The following PCOLCE2 variants were observed in gnomAD, a reference collection of about 807,000 sequenced individuals.
PCOLCE2 encodes procollagen C-endopeptidase enhancer 2, also known as procollagen C-proteinase enhancer 2.
A neutral mutation model predicts 47.0 loss-of-function variants in PCOLCE2; 42 were observed. The ratio of observed to expected loss-of-function variants is 0.89; its 90% CI spans 0.70 to 1.16. PCOLCE2 has a LOEUF of 1.16. Among genes scored for constraint, PCOLCE2 ranks in the 50% most tolerant of loss-of-function variants. The probability of loss-of-function intolerance (pLI) is 0.00; values close to 1 mark genes in which losing one functional copy is unlikely to be tolerated. For synonymous variants in PCOLCE2, 169 were observed against 191.7 expected, an observed-to-expected ratio of 0.88 and a Z score of 0.98; for missense variants, 500 against 526.1, an observed-to-expected ratio of 0.95 and a Z score of 0.49.
chr3:142,862,740 T>C (rs1365564655), intron 2 of PCOLCE2, among the ~76,000 whole-genome samples: 1 of 152,090 alleles, frequency 6.6e-6, no homozygotes, highest in African/African-American at 2.4e-5. Context: ...CTATCAAATA[T>C]CCAGAGAACT....
At chr3:142,848,520 G>C (rs1285874921) in intron 2 of PCOLCE2, 48 bp from the exon 3 acceptor site, 1 of 1,513,850 alleles carries the variant, frequency 6.6e-7, no homozygotes, top group Non-Finnish European at 9.0e-7. Context: ...AACAATATCT[G>C]AGGCTTTGAC....
intron 2 of PCOLCE2, among the ~76,000 whole-genome samples, chr3:142,863,224 A>C (rs1389337397): frequency 6.6e-6 from 1 of 152,220 alleles, no homozygotes; most frequent in Non-Finnish European, 1.5e-5. Flanking sequence ...AAAACAAAAA[A>C]ACAAAAAACA....
intron 6 of PCOLCE2, chr3:142,827,846 C>G: frequency 1.9e-6 from 1 of 538,142 alleles, no homozygotes; most frequent in Non-Finnish European, 3.3e-6. Flanking sequence ...AAGGCGACAG[C>G]CTAATTTATA....
At chr3:142,836,357 C>A (rs1164581058) in intron 5 of PCOLCE2, among the ~76,000 whole-genome samples, 1 of 152,204 alleles carries the variant, frequency 6.6e-6, no homozygotes, top group Admixed American at 6.5e-5. Flanking sequence ...GGCCTGGACC[C>A]TGAGCTTTGT....
At chr3:142,843,081 A>T (rs529159735) in intron 3 of PCOLCE2, 33 bp from the exon 4 acceptor site, 2 of 1,605,736 alleles carry the variant, frequency 1.2e-6, no homozygotes, top group South Asian at 2.2e-5. Flanking sequence ...AAAGCCCACA[A>T]GTTTATGTAG....
intron 5 of PCOLCE2, among the ~76,000 whole-genome samples, chr3:142,838,422 C>CA (rs532908201): frequency 2.8e-4 from 42 of 152,238 alleles, no homozygotes; most frequent in South Asian, 1.5e-3. Context: ...CATTTAAAAG[C>CA]ATGTGGCACC....
rs192250873 is a variant in PCOLCE2, at chr3:142,881,591, G to C, written c.192+6078C>G. Among the ~76,000 whole-genome samples, 24 of 152,194 alleles carry C rather than the reference G, an allele frequency of 1.6e-4. 1 individual carries two copies. The highest frequency in any genetic ancestry group is 1.1e-3 in the Admixed American group (17 of 15,266). On this transcript the variant is annotated intron_variant, in intron 2 of 8. Transcript: ENST00000295992. Reference sequence around the variant, plus strand: ...CCTAGGCTATATAGTATAGCCTATTGCTCCTAGGCTACGACACTGTACAGC... The same window carrying C: ...CCTAGGCTATATAGTATAGCCTATTCCTCCTAGGCTACGACACTGTACAGC...
chr3:142,818,684 G>C (rs72992635), intron 8 of PCOLCE2, among the ~76,000 whole-genome samples: 10,118 of 152,192 alleles, frequency 0.066, 1,049 homozygotes, highest in African/African-American at 0.22. Context: ...GAACTTAAGC[G>C]ATTCTCCTGC....
At chr3:142,879,247 CT>C (rs1933557810) in intron 2 of PCOLCE2, among the ~76,000 whole-genome samples, 2 of 151,284 alleles carry the variant, frequency 1.3e-5, no homozygotes, top group South Asian at 4.1e-4. Flanking sequence ...AAGAGAATCC[CT>C]TTCAGAAAAA....
intron 2 of PCOLCE2, among the ~76,000 whole-genome samples, chr3:142,884,756 C>G (rs73864484): frequency 2.6e-5 from 4 of 152,304 alleles, no homozygotes; most frequent in Non-Finnish European, 5.9e-5. Context: ...CTAAGCAGCA[C>G]AGAGCACCTC....
chr3:142,868,101 A>T (rs994436193), intron 2 of PCOLCE2, among the ~76,000 whole-genome samples: 3 of 152,230 alleles, frequency 2.0e-5, no homozygotes, highest in African/African-American at 7.2e-5. Flanking sequence ...TTCAATTTTT[A>T]AAATAATCAA....
In PCOLCE2 at chr3:142,818,067, T is replaced by G. The variant is rs544784359; in HGVS notation, c.*268A>C. The stretch of plus-strand genomic sequence containing the variant: ...GATGTATAAATAAACGCTTCCAAGC[T>G]GTCAACGCTTGACACTTTTAGCTTC... On this transcript the variant is annotated 3_prime_UTR_variant, in exon 9 of 9. Coordinates refer to ENST00000295992, the MANE Select transcript of PCOLCE2 (RefSeq NM_013363.4). 2 of 316,664 alleles carry G rather than the reference T, an allele frequency of 6.3e-6. No individual in the cohort carries two copies. The highest frequency in any genetic ancestry group is 1.3e-4 in the South Asian group (2 of 15,972). The allele number at this position is 316,664 out of a possible 1,614,324, so 19.6% of individuals were successfully genotyped here.
intron 2 of PCOLCE2, among the ~76,000 whole-genome samples, chr3:142,861,354 C>A (rs1016865323): frequency 6.6e-6 from 1 of 152,168 alleles, no homozygotes; most frequent in Non-Finnish European, 1.5e-5. Context: ...TCCAAATTCC[C>A]TGTTCTTTCT....
intron 5 of PCOLCE2, among the ~76,000 whole-genome samples, chr3:142,833,305 C>G (rs920329034): frequency 6.6e-6 from 1 of 152,120 alleles, no homozygotes; most frequent in African/African-American, 2.4e-5. Flanking sequence ...CCTCCCACCT[C>G]AGCCTCCCAA....
chr3:142,888,949 C>A lies in PCOLCE2; in HGVS notation c.-53G>T. On this transcript the variant is annotated 5_prime_UTR_variant, in exon 1 of 9. Transcript: ENST00000295992. ...CCCACGGCGCGCGCGCCGGCACACA[C>A]GCCCCTCCGCACCCACCGCGCTCAC... 1 of 778,230 alleles carries A rather than the reference C, an allele frequency of 1.3e-6. No individual in the cohort carries two copies. Among genetic ancestry groups the A allele is most frequent in the South Asian group, 2.4e-5 (1 of 42,336 alleles). 48.2% of individuals were successfully genotyped at this position (778,230 alleles called of 1,614,324 possible). A position where few individuals can be genotyped will look rare whatever the true frequency, so the allele number is the denominator to read the frequency against.
At chr3:142,850,646 C>G (rs1365415891) in intron 2 of PCOLCE2, among the ~76,000 whole-genome samples, 2 of 152,132 alleles carry the variant, frequency 1.3e-5, no homozygotes, top group Non-Finnish European at 1.5e-5. Context: ...AGTTTAGCAA[C>G]CAGAAGTCAC....
At chr3:142,851,511 G>T (rs1438037019) in intron 2 of PCOLCE2, among the ~76,000 whole-genome samples, 1 of 152,132 alleles carries the variant, frequency 6.6e-6, no homozygotes, top group African/African-American at 2.4e-5. Flanking sequence ...AACTGGGTTA[G>T]GATGGAAATC....
At chr3:142,863,586 T>A (rs987848919) in intron 2 of PCOLCE2, among the ~76,000 whole-genome samples, 5 of 152,096 alleles carry the variant, frequency 3.3e-5, no homozygotes, top group African/African-American at 1.2e-4. Flanking sequence ...CTCACAAATG[T>A]GTAGCCTCAA....
chr3:142,833,740 T>A (rs1423847155), intron 5 of PCOLCE2, among the ~76,000 whole-genome samples: 1 of 152,242 alleles, frequency 6.6e-6, no homozygotes, highest in Non-Finnish European at 1.5e-5. Flanking sequence ...CTTTTGGGAA[T>A]GCCTTTTCAT....
Sources: allele counts gnomAD v4.1 joint callset (sites outside exome capture counted in the v4.1 genomes callset), GRCh38; gene constraint gnomAD v4.1.1; transcripts MANE v1.5; gene names NCBI Gene and HGNC (gene_info 2026-07-23, HGNC 2026-07-21).